The following SETX variants were observed in gnomAD, a reference collection of about 807,000 sequenced individuals.
SETX encodes the protein helicase senataxin.
SETX carries 90 observed loss-of-function variants against 227.2 expected under a neutral mutation model. That is an observed-to-expected ratio of 0.40 (90% CI 0.33 to 0.47). SETX has a LOEUF of 0.47. Ranked by LOEUF, SETX falls within the 20% of genes least tolerant of loss-of-function variation. The pLI is 0.91. For missense variants in SETX, 3,052 were observed against 3,181.5 expected (o/e 0.96, Z 0.98); for synonymous variants, 1,210 against 1,113.2 (o/e 1.09, Z -1.73).
intron 4 of SETX, among the ~76,000 whole-genome samples, chr9:132,344,636 A>C (rs1337770106): frequency 1.3e-5 from 2 of 152,214 alleles, no homozygotes; most frequent in East Asian, 3.8e-4. Context: ...GCACTTTAGG[A>C]GGCCGAGGTG....
chr9:132,276,456 A>G (rs1191691936), intron 22 of SETX, among the ~76,000 whole-genome samples: 9 of 152,204 alleles, frequency 5.9e-5, no homozygotes, highest in African/African-American at 2.2e-4. Context: ...CCCATGATGT[A>G]GAAGTGGGAT....
intron 11 of SETX, among the ~76,000 whole-genome samples, chr9:132,306,459 G>C (rs1845340969): frequency 6.6e-6 from 1 of 152,156 alleles, no homozygotes; most frequent in Non-Finnish European, 1.5e-5. Context: ...TGATCCACCA[G>C]CCTTGGCCTC....
rs766634428 is a variant in SETX, at chr9:132,288,658, A to G, written c.6107-7T>C. ...TTTATATCTCCACAGTTTCCTGTTG[A>G]TAAGAATCACAGTTAAGGACTAATA... On this transcript the variant is annotated splice_polypyrimidine_tract_variant and splice_region_variant and intron_variant, in intron 15 of 25. Transcript: ENST00000224140. The G allele has an allele frequency of 6.3e-6, 10 of 1,587,816 alleles. No individual in the cohort carries two copies. Among genetic ancestry groups the G allele is most frequent in the East Asian group, 2.2e-5 (1 of 44,734 alleles).
chr9:132,336,352 A>G lies in SETX; in HGVS notation c.662T>C (p.Leu221Pro). ...ATACATGTGTGAGGGCAGAAGAATC[A>G]GTTTACCCTTCTCTAGGACAGAAGA... ...YTSSVLEKGK[L>P]ILLPSHMYDT... Residue 221 changes from leucine to proline, a missense_variant, in exon 6 of 26, where the codon CTG becomes CCG. Leu to Pro is a moderately conservative substitution (Grantham distance 98). Transcript: ENST00000224140. 6.2e-7 allele frequency: 1 copy of G among 1,614,122 alleles called. No homozygotes were observed. The highest frequency in any genetic ancestry group is 8.5e-7 in the Non-Finnish European group (1 of 1,179,964).
At chr9:132,299,627 TAA>T (rs1354894103) in intron 12 of SETX, among the ~76,000 whole-genome samples, 1 of 152,106 alleles carries the variant, frequency 6.6e-6, no homozygotes, top group African/African-American at 2.4e-5. Context: ...TAACTAAGAC[TAA>T]AAAAGTTGCA....
intron 5 of SETX, among the ~76,000 whole-genome samples, chr9:132,338,935 A>AT (rs1847800306): frequency 2.0e-5 from 3 of 151,900 alleles, no homozygotes; most frequent in Admixed American, 1.3e-4. Flanking sequence ...TTAAAAAAAA[A>AT]ATTTTTTTGT....
intron 19 of SETX, among the ~76,000 whole-genome samples, chr9:132,282,137 C>T (rs1394846630): frequency 6.6e-6 from 1 of 150,992 alleles, no homozygotes; most frequent in African/African-American, 2.4e-5. Flanking sequence ...AAGTCAGCCA[C>T]CAACGGGGCC....
intron 4 of SETX, among the ~76,000 whole-genome samples, chr9:132,343,049 G>A (rs1378049338): frequency 6.6e-6 from 1 of 152,234 alleles, no homozygotes; most frequent in Admixed American, 6.5e-5. Flanking sequence ...GCCGGGCGCG[G>A]TGGCTCACAC....
In SETX at chr9:132,326,986, G is replaced by T; in HGVS notation, c.4612C>A (p.Arg1538=). 1 of 1,614,120 alleles carries T rather than the reference G, an allele frequency of 6.2e-7. No homozygotes were observed. Among genetic ancestry groups the T allele is most frequent in the Non-Finnish European group, 8.5e-7 (1 of 1,180,036 alleles). ...CCACTCAAAGATTCCAACTGAGGCC[G>T]ACTTACAGAATCTTCTTCAACCTCA... ...TVEVEEDSVS[R]PQLESLSGTK... Residue 1538 remains arginine (R), a synonymous_variant, in exon 10 of 26, where the codon CGG becomes AGG. Coordinates refer to ENST00000224140, the MANE Select transcript of SETX (RefSeq NM_015046.7).
chr9:132,292,710 A>G (rs570264340), intron 15 of SETX, among the ~76,000 whole-genome samples: 1 of 150,876 alleles, frequency 6.6e-6, no homozygotes, highest in Admixed American at 6.6e-5. Flanking sequence ...GCTCACTGCA[A>G]GCTCCGCCTC....
At chr9:132,355,657 T>C (rs56790983), upstream of SETX, among the ~76,000 whole-genome samples, 2,223 of 151,100 alleles carry the variant, frequency 0.015, 29 homozygotes, top group African/African-American at 0.039. Context: ...CTGTGCAACA[T>C]AGCGAGACAC....
intron 20 of SETX, among the ~76,000 whole-genome samples, chr9:132,279,772 C>G (rs556032901): frequency 6.6e-6 from 1 of 152,284 alleles, no homozygotes; most frequent in Admixed American, 6.5e-5. Flanking sequence ...GGTAACGCAT[C>G]TACCTCCAGA....
At chr9:132,335,172 C>G (rs536604360) in intron 6 of SETX, among the ~76,000 whole-genome samples, 1 of 151,930 alleles carries the variant, frequency 6.6e-6, no homozygotes, top group East Asian at 2.0e-4. Flanking sequence ...GGGCAGATCA[C>G]AAAGTCAGGA....
Position 132,327,760 on chromosome 9 carries a change from G to A in SETX, c.3838C>T (p.Pro1280Ser). The A allele has an allele frequency of 6.2e-7, 1 of 1,614,154 alleles. No homozygotes were observed. The change falls in exon 10 of 26, where the codon CCA becomes TCA. Residue 1280 changes from proline to serine, a missense_variant. Physicochemically the swap from Pro to Ser is moderately conservative, Grantham distance 74. Around this residue, in one of 10 missense-constraint regions of SETX, gnomAD observed 1,483 missense variants for 1,312.0 expected, o/e 1.13. Coordinates refer to ENST00000224140, the MANE Select transcript of SETX (RefSeq NM_015046.7). ...CCAAGTTTCTCAGCTGTTGAAGTTG[G>A]CTCAGGACACTGACGAAATTTCTTT... ...PPKKFRQCPEPTSTAEKLGLK... is the reference protein window; with the variant it reads ...PPKKFRQCPESTSTAEKLGLK...
Position 132,327,862 on chromosome 9 carries a change from G to T in SETX, c.3736C>A (p.His1246Asn). The change falls in exon 10 of 26, where the codon CAT becomes AAT. Residue 1246 changes from histidine to asparagine, a missense_variant. By Grantham distance (68) the His-to-Asn change is moderately conservative. Around this residue, in one of 10 missense-constraint regions of SETX, gnomAD observed 1,483 missense variants for 1,312.0 expected, o/e 1.13. Coordinates refer to ENST00000224140, the MANE Select transcript of SETX (RefSeq NM_015046.7). The stretch of plus-strand genomic sequence containing the variant: ...TTCTGTCCTTTTTTGGCATCTGAAT[G>T]AGTTTTCTTAGGGGTCTTAGAAACT... Reference protein sequence around the residue: ...VPVSKTPKKTHSDAKKGQNRS... With the variant: ...VPVSKTPKKTNSDAKKGQNRS... 3 of 1,614,160 alleles carry T rather than the reference G, an allele frequency of 1.9e-6. No homozygotes were observed. The highest frequency in any genetic ancestry group is 2.5e-6 in the Non-Finnish European group (3 of 1,180,026).
intron 17 of SETX, among the ~76,000 whole-genome samples, chr9:132,287,850 C>G (rs2131243509): frequency 6.6e-6 from 1 of 151,542 alleles, no homozygotes; most frequent in African/African-American, 2.4e-5. Context: ...ATGAATCATG[C>G]CATTCCCCAA....
At chr9:132,321,079 C>A (rs1421730429) in intron 10 of SETX, among the ~76,000 whole-genome samples, 1 of 152,198 alleles carries the variant, frequency 6.6e-6, no homozygotes, top group African/African-American at 2.4e-5. Context: ...TGTTTACACA[C>A]TGAATGCTCC....
chr9:132,328,703 T>A lies in SETX; in HGVS notation c.2895A>T (p.Leu965Phe). 6.2e-7 allele frequency: 1 copy of A among 1,613,882 alleles called. No homozygotes were observed. Among genetic ancestry groups the A allele is most frequent in the South Asian group, 1.1e-5 (1 of 91,048 alleles). ...TAACACTGGCTTGAGCTAGTAAAGA[T>A]AATTTGTGAAGGTCTCTGTCTATCT... Reference protein sequence around the residue: ...DSQIDRDLHKLSLLAQASVIT... With the variant: ...DSQIDRDLHKFSLLAQASVIT... Residue 965 changes from leucine to phenylalanine, a missense_variant, in exon 10 of 26, where the codon TTA (leucine) becomes TTT (phenylalanine). Coordinates refer to ENST00000224140, the MANE Select transcript of SETX (RefSeq NM_015046.7).
chr9:132,321,885 T>C (rs1010952434), intron 10 of SETX, among the ~76,000 whole-genome samples: 7 of 151,992 alleles, frequency 4.6e-5, no homozygotes, highest in African/African-American at 1.7e-4. Context: ...AAGACATTGA[T>C]TGACATAATG....
Sources: allele counts gnomAD v4.1 joint callset (sites outside exome capture counted in the v4.1 genomes callset), GRCh38; gene constraint gnomAD v4.1.1; regional missense constraint gnomAD v4.1.1; transcripts MANE v1.5; gene names NCBI Gene and HGNC (gene_info 2026-07-23, HGNC 2026-07-21).